MINK1: variants seen among roughly 807,000 people sequenced by gnomAD.
The protein encoded by MINK1 is misshapen like kinase 1, also known as misshapen-like kinase 1.
Under a neutral mutation model 178.4 loss-of-function variants are expected in MINK1, and 46 were observed. The observed-to-expected ratio is 0.26, with a 90% confidence interval of 0.20 to 0.33. MINK1 has a LOEUF of 0.33. Among genes scored for constraint, MINK1 ranks in the 10% least tolerant of loss-of-function variants. The pLI, the probability that MINK1 is intolerant of heterozygous loss-of-function variation, is 1.00. For missense variants in MINK1, 1,366 were observed against 1,814.9 expected (o/e 0.75, Z 4.49); for synonymous variants, 797 against 709.7 (o/e 1.12, Z -1.96).
At chr17:4,877,261 G>T (rs1480769977) in intron 1 of MINK1, among the ~76,000 whole-genome samples, 1 of 152,180 alleles carries the variant, frequency 6.6e-6, no homozygotes, top group East Asian at 1.9e-4. Context: ...TGTTGCTGAG[G>T]CCTGGCCTGC....
chr17:4,896,652 G>A lies in MINK1; in HGVS notation c.3776-22G>A, dbSNP rs1472967155. 1 of 1,606,200 alleles carries A rather than the reference G, an allele frequency of 6.2e-7. No homozygotes were observed. The highest frequency in any genetic ancestry group is 2.2e-5 in the East Asian group (1 of 44,820). On this transcript the variant is annotated intron_variant, in intron 30 of 31. Coordinates refer to ENST00000355280, the MANE Select transcript of MINK1 (RefSeq NM_153827.5). This position sits in a 1 kb window ranked among gnomAD's most constrained non-coding sequence, Gnocchi z 4.6. ...GTGGCCCCGGGGTGCAGCCTGCTCAGCCCCTCACCTGTTCCCCACAGCCTA... is the reference window on the plus strand; with the variant it reads ...GTGGCCCCGGGGTGCAGCCTGCTCAACCCCTCACCTGTTCCCCACAGCCTA...
At chr17:4,854,669 T>G (rs1597414145) in intron 1 of MINK1, 1 of 443,662 alleles carries the variant, frequency 2.3e-6, no homozygotes, top group East Asian at 7.0e-5. Context: ...TTTCCTGGTT[T>G]CTTCGCCTTC....
chr17:4,891,243 A>G, intron 15 of MINK1, 119 bp downstream of exon 15: 1 of 1,154,400 alleles, frequency 8.7e-7, no homozygotes. Flanking sequence ...GCCGTGAGCC[A>G]GGATTACAGA....
chr17:4,850,923 C>T, intron 1 of MINK1: 1 of 423,436 alleles, frequency 2.4e-6, no homozygotes, highest in Non-Finnish European at 4.8e-6. Flanking sequence ...CTGCCCCCTC[C>T]CACTGCCATG....
chr17:4,870,213 AT>A (rs758815938), intron 1 of MINK1, among the ~76,000 whole-genome samples: 8,140 of 123,588 alleles, frequency 0.066, 242 homozygotes, highest in Middle Eastern at 0.095. Context: ...CGCCCGGCCA[AT>A]TTTTTTTTTT....
chr17:4,892,359 G>GA, intron 17 of MINK1, 43 bp from the exon 18 acceptor site: 1 of 1,434,940 alleles, frequency 7.0e-7, no homozygotes, highest in Non-Finnish European at 9.5e-7. Flanking sequence ...TCACCTCAGC[G>GA]CCCCCCCGCC....
In MINK1 at chr17:4,890,708, C is replaced by T. The variant is rs772768562; in HGVS notation, c.1539C>T (p.Pro513=). 26 of 1,548,394 alleles carry T rather than the reference C, an allele frequency of 1.7e-5. No homozygotes were observed. The highest frequency in any genetic ancestry group is 1.1e-4 in the African/African-American group (8 of 72,964). ...PLYHYGRGMN[P]ADKPAWAREV... ...ACCATTATGGTCGGGGCATGAATCC[C>T]GCTGACAAACCAGCCTGGGCCCGAG... Residue 513 remains proline (P), a synonymous_variant, in exon 14 of 32, where the codon CCC becomes CCT. Transcript: ENST00000355280.
Position 4,896,397 on chromosome 17 carries a change from A to T in MINK1, c.3616-32A>T. On this transcript the variant is annotated intron_variant, in intron 29 of 31. Coordinates refer to ENST00000355280, the MANE Select transcript of MINK1 (RefSeq NM_153827.5). The surrounding 1 kb of genome is among the most constrained non-coding windows in gnomAD (Gnocchi z 4.6). ...GGATGGCCCAGTCTGGGCACCAGACACGGAGACTCTAGTCCCCCTCCTTCT... is the reference window on the plus strand; with the variant it reads ...GGATGGCCCAGTCTGGGCACCAGACTCGGAGACTCTAGTCCCCCTCCTTCT... 1 of 1,611,078 alleles carries T rather than the reference A, an allele frequency of 6.2e-7. No homozygotes were observed. The highest frequency in any genetic ancestry group is 8.5e-7 in the Non-Finnish European group (1 of 1,178,076).
intron 1 of MINK1, among the ~76,000 whole-genome samples, chr17:4,840,397 GTTTA>G (rs1339547820): frequency 1.3e-5 from 2 of 152,074 alleles, no homozygotes; most frequent in Non-Finnish European, 2.9e-5. Flanking sequence ...AAAAAAAATG[GTTTA>G]TTTGTTTGTC....
intron 1 of MINK1, among the ~76,000 whole-genome samples, chr17:4,863,058 CCTT>C (rs1420922760): frequency 3.3e-5 from 5 of 152,080 alleles, no homozygotes; most frequent in Non-Finnish European, 5.9e-5. Flanking sequence ...CAAAAAAAAT[CCTT>C]CTCACTTCAC....
In MINK1 at chr17:4,892,203, G is replaced by T. The variant is rs1968895681; in HGVS notation, c.2056G>T (p.Gly686Trp). 1.9e-6 allele frequency: 3 copies of T among 1,598,212 alleles called. No individual in the cohort carries two copies. The East Asian group carries it at 6.8e-5, about 36-fold the overall frequency. ...TGCCCTTAACACCAGTGGGGCCGGA[G>T]GGTCCCGGCCAGCCCAGGCAGTCCG... Reference protein sequence around the residue: ...ATALNTSGAGGSRPAQAVRAR... With the variant: ...ATALNTSGAGWSRPAQAVRAR... Residue 686 changes from glycine to tryptophan, a missense_variant, in exon 17 of 32, where the codon GGG becomes TGG. Physicochemically the swap from Gly to Trp is radical, Grantham distance 184. Coordinates refer to ENST00000355280, the MANE Select transcript of MINK1 (RefSeq NM_153827.5).
In MINK1 at chr17:4,895,746, A is replaced by G. The variant is rs1352092681; in HGVS notation, c.3278A>G (p.Lys1093Arg). The G allele has an allele frequency of 6.2e-7, 1 of 1,613,834 alleles. No homozygotes were observed. Reference sequence around the variant, plus strand: ...TATTACCTGTCCTGGCTCCGGAACAAGATTCTGCACAATGACCCAGAAGTG... The same window carrying G: ...TATTACCTGTCCTGGCTCCGGAACAGGATTCTGCACAATGACCCAGAAGTG... ...RVYYLSWLRN[K>R]ILHNDPEVEK... Residue 1093 changes from lysine (K) to arginine (R), a missense_variant, in exon 27 of 32, where the codon AAG (lysine) becomes AGG (arginine). Physicochemically the swap from Lys to Arg is conservative, Grantham distance 26. Transcript: ENST00000355280. This position sits in a 1 kb window ranked among gnomAD's most constrained non-coding sequence, Gnocchi z 4.3.
Position 4,881,107 on chromosome 17 carries a change from G to A in MINK1, c.181-25G>A, listed in dbSNP as rs772262447. 18 of 1,536,842 alleles carry A rather than the reference G, an allele frequency of 1.2e-5. 1 individual carries two copies. Among genetic ancestry groups the A allele is most frequent in the Admixed American group, 9.8e-5 (5 of 50,952 alleles). On this transcript the variant is annotated intron_variant, in intron 3 of 31. Coordinates refer to ENST00000355280, the MANE Select transcript of MINK1 (RefSeq NM_153827.5). Reference sequence around the variant, plus strand: ...GAAGGGAGTGTTGGGGGAGTCTCAGGGCTCAGCTCCTCCCATCTGCTTAGG... The same window carrying A: ...GAAGGGAGTGTTGGGGGAGTCTCAGAGCTCAGCTCCTCCCATCTGCTTAGG...
Position 4,894,459 on chromosome 17 carries a change from A to G in MINK1, c.2809-66A>G. ...GTTGGGGAGCTGGAGCCTGGGGAAC[A>G]GCAGCAGGGGCAGGGCCGCAGCTGG... On this transcript the variant is annotated intron_variant, in intron 23 of 31. Coordinates refer to ENST00000355280, the MANE Select transcript of MINK1 (RefSeq NM_153827.5). The surrounding 1 kb of genome is among the most constrained non-coding windows in gnomAD (Gnocchi z 4.1). The G allele has an allele frequency of 2.6e-6, 4 of 1,516,376 alleles. No individual in the cohort carries two copies. Among genetic ancestry groups the G allele is most frequent in the Non-Finnish European group, 3.6e-6 (4 of 1,114,370 alleles). 93.9% of individuals were successfully genotyped at this position (1,516,376 alleles called of 1,614,324 possible).
At chr17:4,841,539 C>A (rs938488636) in intron 1 of MINK1, among the ~76,000 whole-genome samples, 2 of 148,636 alleles carry the variant, frequency 1.3e-5, no homozygotes, top group African/African-American at 4.9e-5. Context: ...CCGATTTTGC[C>A]AGCCTTTACT....
chr17:4,859,154 C>T (rs1913699230), intron 1 of MINK1: 3 of 985,340 alleles, frequency 3.0e-6, no homozygotes, highest in Non-Finnish European at 3.6e-6. Flanking sequence ...ACCAGTCCTT[C>T]CTTGTCTCCA....
intron 15 of MINK1, 76 bp downstream of exon 15, chr17:4,891,200 GCACACACACACACA>G: frequency 2.0e-6 from 2 of 1,003,380 alleles, no homozygotes; most frequent in Non-Finnish European, 2.8e-6. Flanking sequence ...ACACACGCGC[GCACACACACACACA>G]CACACACACA....
intron 19 of MINK1, 85 bp from the exon 20 acceptor site, chr17:4,892,894 G>A: frequency 7.1e-7 from 1 of 1,410,922 alleles, no homozygotes; most frequent in Non-Finnish European, 9.8e-7. Context: ...TATGGAACTT[G>A]GGGCTGAGTT....
chr17:4,862,033 T>C (rs932254895), intron 1 of MINK1, among the ~76,000 whole-genome samples: 2 of 152,164 alleles, frequency 1.3e-5, no homozygotes, highest in Non-Finnish European at 2.9e-5. Context: ...TCTCATTCCA[T>C]GTATACCCAA....
Sources: gnomAD v4.1 joint callset for allele counts (sites outside exome capture counted in the v4.1 genomes callset) on GRCh38, gnomAD v4.1.1 for gene constraint, Gnocchi (gnomAD v3.1) non-coding constraint, MANE v1.5 for transcripts, NCBI Gene and HGNC (gene_info 2026-07-23, HGNC 2026-07-21) for gene names.